Variants in CTNNA2 observed in about 807,000 individuals in gnomAD.
CTNNA2 encodes the protein catenin alpha-2.
CTNNA2 carries 42 observed loss-of-function variants against 101.0 expected under a neutral mutation model. The observed-to-expected ratio is 0.42, with a 90% confidence interval of 0.32 to 0.54. The LOEUF (loss-of-function observed/expected upper bound fraction) is 0.54, where lower values mean the gene tolerates loss of function less well. CTNNA2 is among the 20% of genes least tolerant of loss of function. CTNNA2 has a pLI of 0.14. For missense variants in CTNNA2, 871 were observed against 1,223.1 expected (o/e 0.71, Z 4.29); for synonymous variants, 450 against 456.4 (o/e 0.99, Z 0.18).
chr2:79,901,965 A>G (rs1253380090), intron 6 of CTNNA2, among the ~76,000 whole-genome samples: 1 of 152,224 alleles, frequency 6.6e-6, no homozygotes, highest in Non-Finnish European at 1.5e-5. Flanking sequence ...ACTGAGCAAT[A>G]TTTGTATTTA....
At chr2:79,671,866 C>T (rs1254312825) in intron 2 of CTNNA2, among the ~76,000 whole-genome samples, 1 of 152,148 alleles carries the variant, frequency 6.6e-6, no homozygotes, top group Non-Finnish European at 1.5e-5. Flanking sequence ...ATAGGTGATT[C>T]TATCAGCTAA....
At chr2:79,188,026 T>A (rs1460287714) in intron 1 of CTNNA2, among the ~76,000 whole-genome samples, 1 of 152,168 alleles carries the variant, frequency 6.6e-6, no homozygotes, top group Admixed American at 6.6e-5. Context: ...CAAGAGGATA[T>A]CATAATTTCT....
chr2:79,941,657 C>T (rs556119872), intron 7 of CTNNA2, among the ~76,000 whole-genome samples: 1 of 152,202 alleles, frequency 6.6e-6, no homozygotes, highest in East Asian at 1.9e-4. Flanking sequence ...CTCACTCTGC[C>T]ACCCAGGCTG....
chr2:80,099,092 G>A (rs182741056), intron 7 of CTNNA2, among the ~76,000 whole-genome samples: 9 of 151,914 alleles, frequency 5.9e-5, no homozygotes, highest in East Asian at 2.0e-4. Context: ...CGTCTTCTGC[G>A]TGGCTCATGC....
intron 7 of CTNNA2, among the ~76,000 whole-genome samples, chr2:80,370,565 C>A (rs906110051): frequency 5.9e-5 from 9 of 151,900 alleles, no homozygotes; most frequent in African/African-American, 2.2e-4. Context: ...ACTTAACTAT[C>A]GAGGAGAAAA....
chr2:79,650,229 G>A (rs1573572301), intron 1 of CTNNA2, among the ~76,000 whole-genome samples: 1 of 150,482 alleles, frequency 6.6e-6, no homozygotes, highest in Non-Finnish European at 1.5e-5. Flanking sequence ...TGTGGAGACT[G>A]CTACCTGCAT....
At chr2:80,241,747 T>C (rs1670961077) in intron 7 of CTNNA2, among the ~76,000 whole-genome samples, 1 of 152,196 alleles carries the variant, frequency 6.6e-6, no homozygotes, top group Non-Finnish European at 1.5e-5. Context: ...ATATGGCAGT[T>C]GGATCTAGAA....
chr2:79,496,632 C>A (rs1671259161), intron 4 of CTNNA2, among the ~76,000 whole-genome samples: 1 of 151,810 alleles, frequency 6.6e-6, no homozygotes, highest in African/African-American at 2.4e-5. Context: ...ATATTAACTC[C>A]ATTCTTATTC....
rs574089055 is a variant in CTNNA2 at position 79,441,935 on chromosome 2, C to T, written c.-134-63119C>T. Among the ~76,000 whole-genome samples, 4 of 152,236 alleles carry T rather than the reference C, an allele frequency of 2.6e-5. No homozygotes were observed. In the East Asian group the frequency reaches 5.8e-4, roughly 22 times the overall value. On this transcript the variant is annotated intron_variant, in intron 4 of 21. Transcript: ENST00000466387. The stretch of plus-strand genomic sequence containing the variant: ...TTTGCTAAACCATCTCCATAAAATA[C>T]CATTCCCATAGCTTTCACATGACTT...
chr2:80,156,271 A>G (rs184495629), intron 7 of CTNNA2, among the ~76,000 whole-genome samples: 1 of 152,300 alleles, frequency 6.6e-6, no homozygotes, highest in Non-Finnish European at 1.5e-5. Flanking sequence ...ACTTTGTACC[A>G]CCAACATACT....
chr2:79,321,566 G>T (rs1341847144), intron 3 of CTNNA2, among the ~76,000 whole-genome samples: 2 of 152,192 alleles, frequency 1.3e-5, no homozygotes, highest in African/African-American at 2.4e-5. Context: ...GAGTGTCTTT[G>T]ACAGTAACTC....
intron 7 of CTNNA2, among the ~76,000 whole-genome samples, chr2:79,915,615 A>G (rs1010053390): frequency 2.0e-5 from 3 of 152,224 alleles, no homozygotes; most frequent in Non-Finnish European, 2.9e-5. Flanking sequence ...AAGCGTGACT[A>G]GGAACAAAAT....
rs13408082 is a variant in CTNNA2, at chr2:79,743,797, G to A, written c.103-590G>A. On this transcript the variant is annotated intron_variant, in intron 2 of 18. Transcript: ENST00000402739. ...GATCTGCCTGCCTCAGCCTCCCAAA[G>A]TGTTGGGATTACAGGTGTGAGCCAC... 2.4e-4 allele frequency among the ~76,000 whole-genome samples: 36 copies of A among 152,246 alleles called. 1 individual carries two copies. Among genetic ancestry groups the A allele is most frequent in the African/African-American group, 8.4e-4 (35 of 41,556 alleles).
chr2:79,550,428 A>G (rs1389280650), intron 1 of CTNNA2, among the ~76,000 whole-genome samples: 1 of 152,188 alleles, frequency 6.6e-6, no homozygotes, highest in Non-Finnish European at 1.5e-5. Context: ...CGTCACTCTT[A>G]GCATGTGAGG....
chr2:80,495,801 A>T (rs11900287), intron 9 of CTNNA2, among the ~76,000 whole-genome samples: 5 of 152,028 alleles, frequency 3.3e-5, no homozygotes, highest in African/African-American at 7.2e-5. Context: ...TTAGCCGGGC[A>T]TGGTGGCAGA....
At chr2:80,075,288 C>T (rs562122745) in intron 7 of CTNNA2, among the ~76,000 whole-genome samples, 257 of 152,144 alleles carry the variant, frequency 1.7e-3, no homozygotes, top group African/African-American at 6.0e-3. Flanking sequence ...TTGATATACA[C>T]TCTATCTCAG....
chr2:80,455,741 G>A (rs1406728435), intron 9 of CTNNA2, among the ~76,000 whole-genome samples: 1 of 152,228 alleles, frequency 6.6e-6, no homozygotes, highest in East Asian at 1.9e-4. Context: ...GAGATTCTAA[G>A]AGAAGGCCAG....
chr2:79,313,558 G>T lies in CTNNA2; in HGVS notation c.-318+762G>T, dbSNP rs145494945. On this transcript the variant is annotated intron_variant, in intron 3 of 21. Coordinates refer to the CTNNA2 transcript ENST00000466387. ...CAGAGCTGGAGTTCAAAATCAAGCAGACTGACTCCAGAGCTCATGTTCTTG... is the reference window on the plus strand; with the variant it reads ...CAGAGCTGGAGTTCAAAATCAAGCATACTGACTCCAGAGCTCATGTTCTTG... Among the ~76,000 whole-genome samples the T allele has an allele frequency of 2.0e-5, 3 of 152,240 alleles. 1 individual carries two copies. The highest frequency in any genetic ancestry group is 7.2e-5 in the African/African-American group (3 of 41,550).
At chr2:80,342,228 T>G (rs28468617) in intron 7 of CTNNA2, among the ~76,000 whole-genome samples, 4,588 of 152,310 alleles carry the variant, frequency 0.03, 244 homozygotes, top group African/African-American at 0.1. Context: ...TTAAATTGTA[T>G]GCTTTGAGTG....
Sources: gnomAD v4.1 joint callset for allele counts (sites outside exome capture counted in the v4.1 genomes callset) on GRCh38, gnomAD v4.1.1 for gene constraint, MANE v1.5 for transcripts, NCBI Gene and HGNC (gene_info 2026-07-23, HGNC 2026-07-21) for gene names.